The following SPATC1 variants were observed in gnomAD, a reference collection of about 807,000 sequenced individuals.
SPATC1 encodes speriolin.
A neutral mutation model predicts 36.5 loss-of-function variants in SPATC1; 35 were observed. The observed-to-expected ratio is 0.96, with a 90% confidence interval of 0.73 to 1.27. The LOEUF is 1.27. Ranked by LOEUF, SPATC1 falls within the 50% of genes most tolerant of loss-of-function variation. The pLI, the probability that SPATC1 is intolerant of heterozygous loss-of-function variation, is 0.00. For synonymous variants in SPATC1, 361 were observed against 353.6 expected (o/e 1.02, Z -0.24); for missense variants, 779 against 796.0 (o/e 0.98, Z 0.26).
intron 1 of SPATC1, among the ~76,000 whole-genome samples, chr8:144,025,516 A>C (rs1834659370): frequency 1.3e-5 from 2 of 152,238 alleles, no homozygotes; most frequent in Admixed American, 1.3e-4. Flanking sequence ...TCACAAATCT[A>C]AATAAATTAA....
chr8:144,037,504 T>C (rs1381812490), intron 1 of SPATC1, among the ~76,000 whole-genome samples: 1 of 152,148 alleles, frequency 6.6e-6, no homozygotes, highest in East Asian at 1.9e-4. Flanking sequence ...TCTGTGACCT[T>C]ACCCCCAACC....
chr8:144,042,123 G>A, intron 4 of SPATC1: 1 of 555,578 alleles, frequency 1.8e-6, no homozygotes, highest in Non-Finnish European at 2.3e-6. Flanking sequence ...TGCAACCTCT[G>A]CCTCTCAATT....
Position 144,045,530 on chromosome 8 carries a change from G to A in SPATC1, c.1447-1097G>A, listed in dbSNP as rs1245533721. ...CACGTCAGCCATCTGGGACACAGCA[G>A]GACATAGCTGGAAGAGGGGTGCAGG... is the stretch of plus-strand genomic sequence containing the variant. On this transcript the variant is annotated intron_variant, in intron 4 of 4. Coordinates refer to ENST00000377470, the MANE Select transcript of SPATC1 (RefSeq NM_198572.3). The surrounding 1 kb of genome is among the most constrained non-coding windows in gnomAD (Gnocchi z 5.2). Among the ~76,000 whole-genome samples the A allele has an allele frequency of 1.3e-5, 2 of 152,222 alleles. No individual in the cohort carries two copies. The highest frequency in any genetic ancestry group is 4.8e-5 in the African/African-American group (2 of 41,464).
At chr8:144,013,589 G>A (rs925679351) in intron 1 of SPATC1, among the ~76,000 whole-genome samples, 12 of 152,074 alleles carry the variant, frequency 7.9e-5, no homozygotes, top group Non-Finnish European at 1.6e-4. Flanking sequence ...TACTGATTAC[G>A]AGCACATAGA....
intron 4 of SPATC1, among the ~76,000 whole-genome samples, chr8:144,042,304 TATA>T (rs1261194362): frequency 2.8e-4 from 19 of 68,412 alleles, no homozygotes; most frequent in East Asian, 2.7e-3. Flanking sequence ...TATATATATA[TATA>T]TATATTTTTT....
upstream of SPATC1, among the ~76,000 whole-genome samples, chr8:144,010,981 G>T (rs1465883234): frequency 6.6e-6 from 1 of 151,974 alleles, no homozygotes; most frequent in Admixed American, 6.5e-5. Context: ...CCAAATAACT[G>T]AAGGTAATCT....
Position 144,012,524 on chromosome 8 carries a change from A to T in SPATC1, c.9A>T (p.Leu3=). The change falls in exon 1 of 5, where the codon CTA becomes CTT. Residue 3 remains leucine (L), a synonymous_variant. Transcript: ENST00000377470. The stretch of plus-strand genomic sequence containing the variant: ...TGCCACTGCCCCAGGGCATGTCTCT[A>T]CTCACCAATTATGAAGGGCTTCGGC... MS[L]LTNYEGLRHQ... 6.4e-7 allele frequency: 1 copy of T among 1,551,634 alleles called. No individual in the cohort carries two copies. Among genetic ancestry groups the T allele is most frequent in the African/African-American group, 1.4e-5 (1 of 73,134 alleles).
At chr8:144,029,338 T>C (rs1039614613) in intron 1 of SPATC1, among the ~76,000 whole-genome samples, 6 of 150,534 alleles carry the variant, frequency 4.0e-5, no homozygotes, top group African/African-American at 1.5e-4. Flanking sequence ...GGAGGCCGAG[T>C]TGGGCAGATC....
At chr8:144,039,054 CT>C (rs1175281931) in intron 1 of SPATC1, among the ~76,000 whole-genome samples, 2 of 152,116 alleles carry the variant, frequency 1.3e-5, no homozygotes, top group Non-Finnish European at 2.9e-5. Context: ...GGCTTTTCAT[CT>C]TTTTTTTCTG....
chr8:144,041,606 C>G (rs1554756103), intron 4 of SPATC1, among the ~76,000 whole-genome samples: 1 of 152,228 alleles, frequency 6.6e-6, no homozygotes, highest in African/African-American at 2.4e-5. Context: ...GCGGCTCTCC[C>G]CCTTTGCCAC....
At chr8:144,042,011 G>A (rs1835115785) in intron 4 of SPATC1, 1 of 984,926 alleles carries the variant, frequency 1.0e-6, no homozygotes, top group Non-Finnish European at 1.2e-6. Context: ...CACCTGCCCA[G>A]GGTGAGCTGA....
chr8:144,024,133 A>G (rs1449935786), intron 1 of SPATC1, among the ~76,000 whole-genome samples: 1 of 142,520 alleles, frequency 7.0e-6, no homozygotes, highest in Non-Finnish European at 1.5e-5. Flanking sequence ...TCACAGGACC[A>G]TCCTACTTCT....
intron 1 of SPATC1, among the ~76,000 whole-genome samples, chr8:144,013,707 G>A (rs921280806): frequency 3.3e-5 from 5 of 152,202 alleles, no homozygotes; most frequent in Non-Finnish European, 7.3e-5. Flanking sequence ...TATAATCCCA[G>A]CACTTTGGGA....
At chr8:144,015,954 T>TGGGAGGCTGAGGC (rs1366507623) in intron 1 of SPATC1, among the ~76,000 whole-genome samples, 1 of 149,848 alleles carries the variant, frequency 6.7e-6, no homozygotes, top group Non-Finnish European at 1.5e-5. Context: ...CCCAGCTACT[T>TGGGAGGCTGAGGC]GGGAGGCTGA....
At position 144,039,926 on chromosome 8, in the gene SPATC1, T is replaced by C. The variant is rs1554755360; in HGVS notation, c.229T>C (p.Ser77Pro). The change falls in exon 2 of 5, where the codon TCC (serine) becomes CCC (proline). Residue 77 changes from serine (S) to proline (P), a missense_variant. Physicochemically the swap from Ser to Pro is moderately conservative, Grantham distance 74. Coordinates refer to ENST00000377470, the MANE Select transcript of SPATC1 (RefSeq NM_198572.3). Reference sequence around the variant, plus strand: ...GTTCCCAGGTGTCTTCCTGCCCCCGTCCCCAGCAGTGGCAAACGAACGAGT... The same window carrying C: ...GTTCCCAGGTGTCTTCCTGCCCCCGCCCCCAGCAGTGGCAAACGAACGAGT... ...RQNNGVFLPP[S>P]PAVANERVLE... The C allele has an allele frequency of 6.2e-7, 1 of 1,613,630 alleles. No homozygotes were observed. Among genetic ancestry groups the C allele is most frequent in the East Asian group, 2.2e-5 (1 of 44,864 alleles).
At chr8:144,011,525 G>T (rs571216638), upstream of SPATC1, among the ~76,000 whole-genome samples, 16 of 152,272 alleles carry the variant, frequency 1.1e-4, no homozygotes, top group South Asian at 3.3e-3. The surrounding 1 kb of genome is among the most constrained non-coding windows in gnomAD (Gnocchi z 4.5). Context: ...CCAAAAAGAG[G>T]TTTGAGGGAG....
intron 1 of SPATC1, among the ~76,000 whole-genome samples, chr8:144,013,324 C>A (rs543485098): frequency 7.9e-5 from 12 of 152,132 alleles, no homozygotes; most frequent in Non-Finnish European, 1.5e-4. Flanking sequence ...CCTCAGCCAG[C>A]GTACCCACAG....
chr8:144,012,592 A>T lies in SPATC1; in HGVS notation c.77A>T (p.Lys26Met), dbSNP rs1554752614. 1.9e-6 allele frequency: 3 copies of T among 1,551,730 alleles called. No homozygotes were observed. The highest frequency in any genetic ancestry group is 1.7e-6 in the Non-Finnish European group (2 of 1,146,992). The change falls in exon 1 of 5, where the codon AAG becomes ATG. Residue 26 changes from lysine to methionine, a missense_variant. Transcript: ENST00000377470. The part of the protein sequence containing the change: ...RLVRENEELK[K>M]LVRLIRENHE... ...GTGCGGGAAAATGAGGAACTGAAGA[A>T]GTTGGTGCGGCTCATTCGGGAGAAT...
chr8:144,020,209 C>G (rs1262208055), intron 1 of SPATC1, among the ~76,000 whole-genome samples: 14 of 151,090 alleles, frequency 9.3e-5, no homozygotes, highest in African/African-American at 3.2e-4. Context: ...TCCCTCAGGA[C>G]CATCTCCCCT....
Sources: gnomAD v4.1 joint callset for allele counts (sites outside exome capture counted in the v4.1 genomes callset) on GRCh38, gnomAD v4.1.1 for gene constraint, Gnocchi (gnomAD v3.1) non-coding constraint, MANE v1.5 for transcripts, NCBI Gene and HGNC (gene_info 2026-07-23, HGNC 2026-07-21) for gene names.